The following ZBTB1 variants were observed in gnomAD, a reference collection of about 807,000 sequenced individuals.
ZBTB1 encodes the protein zinc finger and BTB domain containing 1.
In ZBTB1, 13 loss-of-function variants were observed where a neutral mutation model predicts 51.6. That is an observed-to-expected ratio of 0.25 (90% CI 0.16 to 0.40). The LOEUF (loss-of-function observed/expected upper bound fraction) is 0.40. Among genes scored for constraint, ZBTB1 ranks in the 10% least tolerant of loss-of-function variants. The pLI is 1.00. For missense variants in ZBTB1, 567 were observed against 856.5 expected (o/e 0.66, Z 4.22); for synonymous variants, 240 against 282.2 (o/e 0.85, Z 1.50).
chr14:64,525,392 TAA>T, downstream of ZBTB1, among the ~76,000 whole-genome samples: 1 of 152,206 alleles, frequency 6.6e-6, no homozygotes, highest in Non-Finnish European at 1.5e-5. Flanking sequence ...GTTTATCAAG[TAA>T]TTAAATTTGA....
At chr14:64,528,339 CTTTTCTTTTT>C (rs2079918818), downstream of ZBTB1, among the ~76,000 whole-genome samples, 1 of 109,508 alleles carries the variant, frequency 9.1e-6, no homozygotes, top group East Asian at 2.5e-4. Context: ...AAACATTTTT[CTTTTCTTTTT>C]TTTTTTTTTT....
intron 1 of ZBTB1, among the ~76,000 whole-genome samples, chr14:64,517,746 G>A (rs1448465958): frequency 1.7e-5 from 2 of 118,762 alleles, no homozygotes; most frequent in South Asian, 2.8e-4. Flanking sequence ...TTCTGTAGTT[G>A]CCATTTAGAA....
intron 1 of ZBTB1, 100 bp from the exon 2 acceptor site, chr14:64,521,387 T>C (rs575743846): frequency 5.8e-4 from 435 of 753,204 alleles, no homozygotes; most frequent in Non-Finnish European, 5.7e-4. Flanking sequence ...AATTTCTTGA[T>C]TGTAATAGCA....
At chr14:64,531,785 G>T in intron 2 of ZBTB1, 1 of 1,581,180 alleles carries the variant, frequency 6.3e-7, no homozygotes, top group South Asian at 1.1e-5. Flanking sequence ...TCTGATCTAA[G>T]AATTATGTTG....
At chr14:64,506,027 T>G (rs779108769) in intron 1 of ZBTB1, among the ~76,000 whole-genome samples, 37 of 152,120 alleles carry the variant, frequency 2.4e-4, no homozygotes, top group Non-Finnish European at 4.7e-4. Context: ...ACGGAGAAAT[T>G]AGATTCTATG....
At chr14:64,527,524 T>C (rs1033986448), downstream of ZBTB1, among the ~76,000 whole-genome samples, 19 of 152,102 alleles carry the variant, frequency 1.2e-4, no homozygotes, top group African/African-American at 4.3e-4. Flanking sequence ...GGCAGGAGAA[T>C]TGCTTGAACC....
intron 1 of ZBTB1, among the ~76,000 whole-genome samples, chr14:64,520,399 C>T (rs2079848711): frequency 6.6e-6 from 1 of 152,120 alleles, no homozygotes; most frequent in African/African-American, 2.4e-5. Context: ...ACCACAACCT[C>T]AAAATCCTGG....
At chr14:64,510,042 A>G (rs1596686752) in intron 1 of ZBTB1, among the ~76,000 whole-genome samples, 2 of 152,146 alleles carry the variant, frequency 1.3e-5, no homozygotes, top group South Asian at 4.1e-4. Flanking sequence ...CCCTCCCATC[A>G]TCATAGAGCT....
rs1389112812 is a variant in ZBTB1 at position 64,522,530 on chromosome 14, T to C, written c.1026T>C (p.Phe342=). The C allele has an allele frequency of 1.2e-6, 2 of 1,614,048 alleles. No individual in the cohort carries two copies. The highest frequency in any genetic ancestry group is 2.2e-5 in the East Asian group (1 of 44,894). Residue 342 remains phenylalanine, a synonymous_variant, in exon 2 of 2, where the codon TTT becomes TTC. Transcript: ENST00000683701. ...TTCCTACAGATGAACTGAAAGACTT[T>C]AACATTATTAAAGTTACTGATAAAG... ...EDIPTDELKD[F]NIIKVTDKDC...
chr14:64,526,859 T>A (rs2079907321), downstream of ZBTB1, among the ~76,000 whole-genome samples: 1 of 151,518 alleles, frequency 6.6e-6, no homozygotes, highest in Admixed American at 6.6e-5. Flanking sequence ...CTGGGCAACA[T>A]AACAAGACCC....
chr14:64,526,323 C>T (rs1213640041), downstream of ZBTB1, among the ~76,000 whole-genome samples: 1 of 152,202 alleles, frequency 6.6e-6, no homozygotes, highest in Non-Finnish European at 1.5e-5. Flanking sequence ...TATCTCCTTC[C>T]TCTCCTGGGG....
rs1049287519 is a variant in ZBTB1 at position 64,505,036 on chromosome 14, G to A, written c.-19+90G>A. 7 of 379,384 alleles carry A rather than the reference G, an allele frequency of 1.8e-5. No individual in the cohort carries two copies. The Admixed American group carries it at 3.2e-4, about 17-fold the overall frequency. The allele number at this position is 379,384 out of a possible 1,614,324, so 23.5% of individuals were successfully genotyped here. On this transcript the variant is annotated intron_variant, in intron 1 of 1. Transcript: ENST00000683701. ...GCGGGCCTGGCGGAGTGCGGGGCCG[G>A]AGGGGCGCCGATCCGTGCGGGGAGC... is the stretch of plus-strand genomic sequence containing the variant.
intron 1 of ZBTB1, among the ~76,000 whole-genome samples, chr14:64,506,829 G>T (rs1226726762): frequency 2.0e-5 from 3 of 152,150 alleles, no homozygotes; most frequent in Non-Finnish European, 4.4e-5. Flanking sequence ...AGAGAAAAGA[G>T]AAACCATATT....
chr14:64,516,565 C>T (rs769212934), intron 1 of ZBTB1: 2 of 152,230 alleles, frequency 1.3e-5, no homozygotes, highest in Non-Finnish European at 2.9e-5. Flanking sequence ...CACTGTGATC[C>T]GTCTGACTGA....
In ZBTB1 at chr14:64,505,986, A is replaced by G. The variant is rs535443853; in HGVS notation, c.-19+1040A>G. ...ATTTGGTGAAGGATGCAGGTCTCAT[A>G]ATTTACAGAGCAATCACAGCCTTCT... On this transcript the variant is annotated intron_variant, in intron 1 of 1. Coordinates refer to ENST00000683701, the MANE Select transcript of ZBTB1 (RefSeq NM_001123329.2). 8.4e-4 allele frequency among the ~76,000 whole-genome samples: 128 copies of G among 152,290 alleles called. 1 individual carries two copies. Among genetic ancestry groups the G allele is most frequent in the Admixed American group, 1.7e-3 (26 of 15,304 alleles).
chr14:64,531,914 G>A, exon 3 of ZBTB1: 1 of 1,613,502 alleles, frequency 6.2e-7, no homozygotes. Context: ...TGAATTTGGA[G>A]AGGACATGGG....
chr14:64,528,252 A>G (rs557736505), downstream of ZBTB1, among the ~76,000 whole-genome samples: 16 of 151,706 alleles, frequency 1.1e-4, no homozygotes, highest in Admixed American at 7.2e-4. Flanking sequence ...ATCTGAGTGT[A>G]TGTGCACACA....
At chr14:64,531,290 C>T (rs960714141) in intron 2 of ZBTB1, among the ~76,000 whole-genome samples, 2 of 151,786 alleles carry the variant, frequency 1.3e-5, no homozygotes, top group Non-Finnish European at 1.5e-5. Flanking sequence ...AGCACTGTTG[C>T]CAAAAATATA....
intron 1 of ZBTB1, among the ~76,000 whole-genome samples, chr14:64,514,590 T>TAA (rs2079760716): frequency 6.6e-6 from 1 of 152,240 alleles, no homozygotes. Flanking sequence ...AATCTTACTA[T>TAA]GTCAGTGAGA....
Sources: allele counts gnomAD v4.1 joint callset (sites outside exome capture counted in the v4.1 genomes callset), GRCh38; gene constraint gnomAD v4.1.1; transcripts MANE v1.5; gene names NCBI Gene and HGNC (gene_info 2026-07-23, HGNC 2026-07-21).